The following SCN11A variants were observed in gnomAD, a reference collection of about 807,000 sequenced individuals.
SCN11A encodes sodium channel protein type 11 subunit alpha.
A neutral mutation model predicts 162.2 loss-of-function variants in SCN11A; 122 were observed. The ratio of observed to expected loss-of-function variants is 0.75; its 90% CI spans 0.65 to 0.87. SCN11A has a LOEUF of 0.87. Ranked by LOEUF, SCN11A falls within the 40% of genes least tolerant of loss-of-function variation. The pLI, the probability that SCN11A is intolerant of heterozygous loss-of-function variation, is 0.00. For missense variants in SCN11A, 2,015 were observed against 2,181.6 expected, an observed-to-expected ratio of 0.92 and a Z score of 1.52; for synonymous variants, 758 against 751.5, an observed-to-expected ratio of 1.01 and a Z score of -0.14.
chr3:38,941,528 T>G (rs970376136), intron 7 of SCN11A, among the ~76,000 whole-genome samples: 2 of 152,182 alleles, frequency 1.3e-5, no homozygotes, highest in African/African-American at 4.8e-5. Context: ...TTGGGTTTAT[T>G]GTGTACATTA....
chr3:38,913,385 C>G (rs1575284287), intron 11 of SCN11A, among the ~76,000 whole-genome samples: 1 of 151,902 alleles, frequency 6.6e-6, no homozygotes, highest in Non-Finnish European at 1.5e-5. Flanking sequence ...AGACCTTTAA[C>G]AGATGCATAG....
In SCN11A at chr3:38,850,724, T is replaced by C. The variant is rs1360833215; in HGVS notation, c.4084A>G (p.Ile1362Val). The change falls in exon 29 of 30, where the codon ATA becomes GTA. Residue 1362 changes from isoleucine to valine, a missense_variant. Ile to Val is a conservative substitution (Grantham distance 29, BLOSUM62 3). Coordinates refer to ENST00000302328, the MANE Select transcript of SCN11A (RefSeq NM_001349253.2). ...ATGTCAAAGATCTGGCTTGTGACTA[T>C]GTCGAACACGAGACCTTGACATTTG... ...LNKCQGLVFD[I>V]VTSQIFDIII... 7 of 1,610,830 alleles carry C rather than the reference T, an allele frequency of 4.3e-6. No homozygotes were observed. Among genetic ancestry groups the C allele is most frequent in the Non-Finnish European group, 5.9e-6 (7 of 1,178,212 alleles).
chr3:38,847,494 A>G lies in SCN11A; in HGVS notation c.4576T>C (p.Ser1526Pro), dbSNP rs2064693061. 1 of 1,614,156 alleles carries G rather than the reference A, an allele frequency of 6.2e-7. No homozygotes were observed. Among genetic ancestry groups the G allele is most frequent in the South Asian group, 1.1e-5 (1 of 91,084 alleles). Residue 1526 changes from serine to proline, a missense_variant, in exon 30 of 30, where the codon TCT (serine) becomes CCT (proline). Transcript: ENST00000302328. ...AAGTTGAATATGTCATCGATTCCAG[A>G]CTCTGGATTCACTTTGGAAAACCAG... ...MNWFSKVNPE[S>P]GIDDIFNFKT...
In SCN11A at chr3:38,950,280, T is replaced by G; in HGVS notation, c.83A>C (p.Glu28Ala). The G allele has an allele frequency of 6.2e-7, 1 of 1,613,984 alleles. No individual in the cohort carries two copies. The highest frequency in any genetic ancestry group is 8.5e-7 in the Non-Finnish European group (1 of 1,179,972). ...PFTSDSLAAI[E>A]KRIAIQKEKK... Reference sequence around the variant, plus strand: ...CTCCTTTTGGATGGCAATCCGCTTCTCAATTGCAGCCAGAGAGTCGGAAGT... The same window carrying G: ...CTCCTTTTGGATGGCAATCCGCTTCGCAATTGCAGCCAGAGAGTCGGAAGT... The change falls in exon 5 of 30, where the codon GAG becomes GCG. Residue 28 changes from glutamate to alanine, a missense_variant. By Grantham distance (107) the Glu-to-Ala change is moderately radical. Transcript: ENST00000302328.
At chr3:38,986,022 A>G (rs917837802) in intron 2 of SCN11A, among the ~76,000 whole-genome samples, 1 of 151,074 alleles carries the variant, frequency 6.6e-6, no homozygotes, top group Non-Finnish European at 1.5e-5. Context: ...ACCTTTCCAC[A>G]GTCTGTTTGA....
intron 27 of SCN11A, among the ~76,000 whole-genome samples, chr3:38,864,651 AAC>A (rs1441626273): frequency 2.0e-5 from 3 of 152,178 alleles, no homozygotes; most frequent in Admixed American, 6.5e-5. Context: ...AAGGCTTAGA[AAC>A]AATGACAATG....
intron 1 of SCN11A, among the ~76,000 whole-genome samples, chr3:39,037,812 G>A (rs1418937706): frequency 1.3e-5 from 2 of 152,112 alleles, no homozygotes; most frequent in Non-Finnish European, 2.9e-5. Flanking sequence ...AATGAGAATG[G>A]GAGCCGAAAA....
At chr3:38,987,278 TTCTCTCTCTCTC>T (rs10546388) in intron 2 of SCN11A, among the ~76,000 whole-genome samples, 1 of 119,134 alleles carries the variant, frequency 8.4e-6, no homozygotes, top group Non-Finnish European at 1.8e-5. Flanking sequence ...CCCAGTGCCT[TTCTCTCTCTCTC>T]TCTCTCTCTC....
intron 7 of SCN11A, among the ~76,000 whole-genome samples, chr3:38,928,805 G>A (rs2066185822): frequency 6.6e-6 from 1 of 152,116 alleles, no homozygotes; most frequent in African/African-American, 2.4e-5. Flanking sequence ...ATGAAGATGT[G>A]AAGAAATGGG....
chr3:38,885,505 A>G (rs2065383413), intron 20 of SCN11A, 103 bp from the exon 21 acceptor site: 1 of 692,482 alleles, frequency 1.4e-6, no homozygotes, highest in Admixed American at 2.4e-5. Flanking sequence ...GATGAAATGA[A>G]CTAGGCAAAG....
chr3:38,890,272 TAA>T (rs2065478064), intron 19 of SCN11A, among the ~76,000 whole-genome samples: 1 of 152,206 alleles, frequency 6.6e-6, no homozygotes, highest in Non-Finnish European at 1.5e-5. Flanking sequence ...GAATTGTGCT[TAA>T]AAGAGTTTGC....
chr3:38,897,376 T>C (rs1423843160), intron 17 of SCN11A, 151 bp from the exon 18 acceptor site: 1 of 712,710 alleles, frequency 1.4e-6, no homozygotes, highest in African/African-American at 1.8e-5. Flanking sequence ...AGCCATCAGA[T>C]CGCTGTCATA....
chr3:38,850,808 A>G (rs924574854), intron 28 of SCN11A, 57 bp from the exon 29 acceptor site: 48 of 1,384,112 alleles, frequency 3.5e-5, no homozygotes, highest in Non-Finnish European at 4.7e-5. Flanking sequence ...ATTACATACA[A>G]TAAAAAGAAC....
intron 1 of SCN11A, among the ~76,000 whole-genome samples, chr3:39,033,122 C>T (rs2031805610): frequency 6.6e-6 from 1 of 150,376 alleles, no homozygotes; most frequent in Non-Finnish European, 1.5e-5. Flanking sequence ...CACTGCACTC[C>T]AGCCTGGGTA....
At position 39,047,950 on chromosome 3, in the gene SCN11A, T is replaced by C. The variant is rs115853611; in HGVS notation, c.-404+3911A>G. Among the ~76,000 whole-genome samples the C allele has an allele frequency of 8.0e-3, 1,226 of 152,304 alleles. 18 individuals are homozygous for C. The highest frequency in any genetic ancestry group is 0.028 in the African/African-American group (1,177 of 41,546). On this transcript the variant is annotated intron_variant, in intron 1 of 29. Transcript: ENST00000302328. Reference sequence around the variant, plus strand: ...GGAATGTAAATTAGTTCAACCATTATGGAAAACAGTGTGTAGATTTCTCAA... The same window carrying C: ...GGAATGTAAATTAGTTCAACCATTACGGAAAACAGTGTGTAGATTTCTCAA...
At chr3:38,947,164 A>G (rs531851621) in intron 5 of SCN11A, among the ~76,000 whole-genome samples, 1 of 152,248 alleles carries the variant, frequency 6.6e-6, no homozygotes, top group Non-Finnish European at 1.5e-5. Flanking sequence ...CATGGTACGT[A>G]TCAACGGGGA....
intron 2 of SCN11A, among the ~76,000 whole-genome samples, chr3:38,986,243 C>T (rs1282550164): frequency 1.3e-5 from 2 of 150,778 alleles, no homozygotes; most frequent in Non-Finnish European, 2.9e-5. Flanking sequence ...CACACTGCTG[C>T]CAGAAGGAAG....
In SCN11A at chr3:38,958,692, T is replaced by C. The variant is rs150012702; in HGVS notation, c.-139+1591A>G. Among the ~76,000 whole-genome samples the C allele has an allele frequency of 7.9e-5, 12 of 152,354 alleles. No homozygotes were observed. The East Asian group carries it at 1.7e-3, about 22-fold the overall frequency. ...GTCCATATATTTCATATGACTGTCA[T>C]TGTCCTGTATAACAATTTTAAATGG... On this transcript the variant is annotated intron_variant, in intron 3 of 29. Transcript: ENST00000302328.
intron 16 of SCN11A, among the ~76,000 whole-genome samples, chr3:38,903,303 T>C (rs977822191): frequency 2.0e-5 from 3 of 152,120 alleles, no homozygotes; most frequent in Admixed American, 1.3e-4. Flanking sequence ...TCCCCTTAGT[T>C]TTCCCAATTT....
Sources: allele counts gnomAD v4.1 joint callset (sites outside exome capture counted in the v4.1 genomes callset), GRCh38; gene constraint gnomAD v4.1.1; transcripts MANE v1.5; gene names NCBI Gene and HGNC (gene_info 2026-07-23, HGNC 2026-07-21).